CERS6: variants seen among roughly 807,000 people sequenced by gnomAD.
The protein encoded by CERS6 is ceramide synthase 6.
CERS6 carries 26 observed loss-of-function variants against 56.8 expected under a neutral mutation model. The ratio of observed to expected loss-of-function variants is 0.46; its 90% CI spans 0.34 to 0.63. CERS6 has a LOEUF of 0.63. Among genes scored for constraint, CERS6 ranks in the 30% least tolerant of loss-of-function variants. CERS6 has a pLI of 0.01. For missense variants in CERS6, 415 were observed against 467.5 expected, an observed-to-expected ratio of 0.89 and a Z score of 1.04; for synonymous variants, 164 against 173.3, an observed-to-expected ratio of 0.95 and a Z score of 0.42.
chr2:168,512,423 T>G (rs1694804785), intron 1 of CERS6, among the ~76,000 whole-genome samples: 2 of 152,212 alleles, frequency 1.3e-5, no homozygotes, highest in Admixed American at 1.3e-4. Flanking sequence ...TTCTTTCATA[T>G]TTTTAAAACC....
At chr2:168,674,579 C>T (rs1367527783) in intron 4 of CERS6, among the ~76,000 whole-genome samples, 3 of 152,174 alleles carry the variant, frequency 2.0e-5, no homozygotes, top group African/African-American at 7.2e-5. Flanking sequence ...AAGGAACTTA[C>T]ATCTTGAGAA....
At chr2:168,657,553 A>G (rs563833721) in intron 4 of CERS6, among the ~76,000 whole-genome samples, 49 of 152,352 alleles carry the variant, frequency 3.2e-4, no homozygotes, top group African/African-American at 1.1e-3. Context: ...AGGCTCAGGC[A>G]TGGCAGACTG....
intron 8 of CERS6, among the ~76,000 whole-genome samples, chr2:168,733,502 A>G (rs1683614001): frequency 6.6e-6 from 1 of 152,210 alleles, no homozygotes; most frequent in Non-Finnish European, 1.5e-5. Flanking sequence ...TATTGCTTCT[A>G]CATCTGAAAA....
chr2:168,549,872 T>C (rs1695535134), intron 2 of CERS6, among the ~76,000 whole-genome samples: 1 of 152,150 alleles, frequency 6.6e-6, no homozygotes, highest in African/African-American at 2.4e-5. Context: ...GGGGCAGGAC[T>C]TGGGAGAGCT....
intron 6 of CERS6, among the ~76,000 whole-genome samples, chr2:168,707,310 T>A (rs891731163): frequency 6.6e-6 from 1 of 152,152 alleles, no homozygotes; most frequent in Admixed American, 6.5e-5. Flanking sequence ...GGGAAAAAAG[T>A]GTTGAAGTAG....
chr2:168,579,120 C>G (rs1043309974), intron 3 of CERS6, among the ~76,000 whole-genome samples: 1 of 152,166 alleles, frequency 6.6e-6, no homozygotes, highest in African/African-American at 2.4e-5. Flanking sequence ...ATGTATCCAT[C>G]ATACAGCTTT....
At chr2:168,721,586 C>T (rs1259389090) in intron 8 of CERS6, among the ~76,000 whole-genome samples, 1 of 39,050 alleles carries the variant, frequency 2.6e-5, no homozygotes, top group Admixed American at 2.1e-4. Flanking sequence ...AACCAAAAAA[C>T]AAAAACTAAA....
chr2:168,538,962 G>GT (rs1163359229), intron 1 of CERS6, among the ~76,000 whole-genome samples: 2,427 of 4,820 alleles, frequency 0.5, 1,088 homozygotes, highest in African/African-American at 0.51. Context: ...GGAAAATATT[G>GT]TTTTTTTTTT....
At chr2:168,577,486 A>AT (rs1381316877) in intron 3 of CERS6, among the ~76,000 whole-genome samples, 6 of 151,878 alleles carry the variant, frequency 4.0e-5, no homozygotes, top group African/African-American at 1.4e-4. Flanking sequence ...GGGGTTAAGG[A>AT]TTTTTTTTTA....
intron 1 of CERS6, among the ~76,000 whole-genome samples, chr2:168,505,647 A>G (rs1694664441): frequency 6.6e-6 from 1 of 152,118 alleles, no homozygotes; most frequent in African/African-American, 2.4e-5. Context: ...GGCCCCCAGT[A>G]TCTATTAGGG....
Position 168,691,230 on chromosome 2 carries a change from G to A in CERS6, c.516+146G>A, listed in dbSNP as rs1009634315. ...GCTGATCAGTGCTGGACATAATCTA[G>A]TGAGGATAGTAATTTGTGCATTATT... On this transcript the variant is annotated intron_variant, in intron 5 of 9. Transcript: ENST00000305747. 4.3e-6 allele frequency: 3 copies of A among 697,610 alleles called. No individual in the cohort carries two copies. The African/African-American group carries it at 5.3e-5, about 12-fold the overall frequency. 43.2% of individuals were successfully genotyped at this position (697,610 alleles called of 1,614,324 possible).
At position 168,752,082 on chromosome 2, in the gene CERS6, A is replaced by T. The variant is rs555473117; in HGVS notation, c.846-13510A>T. 5.2e-4 allele frequency among the ~76,000 whole-genome samples: 79 copies of T among 152,230 alleles called. 1 individual carries two copies. The highest frequency in any genetic ancestry group is 1.8e-3 in the African/African-American group (75 of 41,524). ...TTGGTTAGGGAGGGAGTACCCAGAT[A>T]TCTTCATTTTAGATGTCATTTTTGT... On this transcript the variant is annotated intron_variant, in intron 8 of 9. Coordinates refer to ENST00000305747, the MANE Select transcript of CERS6 (RefSeq NM_203463.3).
chr2:168,638,487 T>C (rs1684913402), intron 4 of CERS6, among the ~76,000 whole-genome samples: 1 of 151,904 alleles, frequency 6.6e-6, no homozygotes, highest in South Asian at 2.1e-4. Flanking sequence ...ACAACTACTA[T>C]ATATCAATTA....
chr2:168,556,271 T>TA (rs1255797726), intron 2 of CERS6, among the ~76,000 whole-genome samples: 3 of 152,100 alleles, frequency 2.0e-5, no homozygotes, highest in Non-Finnish European at 4.4e-5. Flanking sequence ...AAATCCTAAA[T>TA]AAAAAATTAG....
intron 8 of CERS6, among the ~76,000 whole-genome samples, 174 bp downstream of exon 8, chr2:168,718,152 A>G (rs906509735): frequency 5.3e-5 from 8 of 152,220 alleles, no homozygotes; most frequent in Non-Finnish European, 1.2e-4. Flanking sequence ...TGCACTCTTT[A>G]CTAATGATTT....
intron 4 of CERS6, among the ~76,000 whole-genome samples, chr2:168,643,643 A>G (rs556983969): frequency 6.6e-6 from 1 of 152,292 alleles, no homozygotes; most frequent in East Asian, 1.9e-4. Context: ...CATTATTGCC[A>G]TCTCCCTCAG....
At chr2:168,648,988 T>A (rs1013027589) in intron 4 of CERS6, among the ~76,000 whole-genome samples, 26 of 152,204 alleles carry the variant, frequency 1.7e-4, no homozygotes, top group African/African-American at 5.3e-4. Context: ...GAGAGTTCTG[T>A]AGAACTCTAT....
At chr2:168,690,566 C>T (rs1686472769) in intron 4 of CERS6, among the ~76,000 whole-genome samples, 1 of 152,146 alleles carries the variant, frequency 6.6e-6, no homozygotes, top group South Asian at 2.1e-4. Flanking sequence ...AGTATACCTG[C>T]ATGTCACTGA....
At chr2:168,581,535 C>CTTTTTTTA (rs1310919955) in intron 3 of CERS6, among the ~76,000 whole-genome samples, 2 of 152,172 alleles carry the variant, frequency 1.3e-5, no homozygotes, top group African/African-American at 4.8e-5. Flanking sequence ...TCTTTCAAAT[C>CTTTTTTTA]ACTAATTCCC....
Sources: allele counts gnomAD v4.1 joint callset (sites outside exome capture counted in the v4.1 genomes callset), GRCh38; gene constraint gnomAD v4.1.1; transcripts MANE v1.5; gene names NCBI Gene and HGNC (gene_info 2026-07-23, HGNC 2026-07-21).